The following PHF12 variants were observed in gnomAD, a reference collection of about 807,000 sequenced individuals.
PHF12 encodes the protein PHD factor 1.
Under a neutral mutation model 99.8 loss-of-function variants are expected in PHF12, and 6 were observed. The ratio of observed to expected loss-of-function variants is 0.06; its 90% confidence interval spans 0.03 to 0.12. PHF12 has a LOEUF of 0.12. Among genes scored for constraint, PHF12 ranks in the 10% least tolerant of loss-of-function variants. PHF12 has a pLI of 1.00. For missense variants in PHF12, 954 were observed against 1,300.1 expected, an observed-to-expected ratio of 0.73 and a Z score of 4.09; for synonymous variants, 480 against 514.9, an observed-to-expected ratio of 0.93 and a Z score of 0.92.
Position 28,905,877 on chromosome 17 carries a change from T to G in PHF12, c.*306A>C. The G allele has an allele frequency of 3.7e-6, 1 of 270,182 alleles. No homozygotes were observed. The highest frequency in any genetic ancestry group is 6.9e-6 in the Non-Finnish European group (1 of 145,192). The allele number at this position is 270,182 out of a possible 1,614,324, so 16.7% of individuals were successfully genotyped here. Reference sequence around the variant, plus strand: ...GAGCAGGAGGTGGGTGGGGAAGGGTTTTGTGTTGGAGGAAGTGTCCAGACC... The same window carrying G: ...GAGCAGGAGGTGGGTGGGGAAGGGTGTTGTGTTGGAGGAAGTGTCCAGACC... On this transcript the variant is annotated 3_prime_UTR_variant, in exon 15 of 15. Transcript: ENST00000332830.
chr17:28,923,052 A>T (rs2040194094), intron 4 of PHF12, among the ~76,000 whole-genome samples: 1 of 152,020 alleles, frequency 6.6e-6, no homozygotes, highest in Non-Finnish European at 1.5e-5. Context: ...GTCTCAAAAA[A>T]AAAAAAATTC....
intron 2 of PHF12, among the ~76,000 whole-genome samples, chr17:28,933,273 G>A (rs2040447922): frequency 6.6e-6 from 1 of 152,168 alleles, no homozygotes; most frequent in African/African-American, 2.4e-5. Flanking sequence ...TTAAACTAAA[G>A]CCTAGAAATA....
chr17:28,948,534 A>G (rs988012287), intron 2 of PHF12, among the ~76,000 whole-genome samples: 1 of 152,210 alleles, frequency 6.6e-6, no homozygotes, highest in African/African-American at 2.4e-5. Flanking sequence ...ACAAGCTGGG[A>G]TGGGGTGCCC....
intron 2 of PHF12, among the ~76,000 whole-genome samples, chr17:28,930,904 C>G (rs1257857602): frequency 2.0e-5 from 3 of 152,236 alleles, no homozygotes; most frequent in Middle Eastern, 3.4e-3. Flanking sequence ...AACCCCACCT[C>G]TACTAAAAAT....
At chr17:28,917,623 T>C (rs2040086304) in intron 6 of PHF12, among the ~76,000 whole-genome samples, 174 bp from the exon 7 acceptor site, 1 of 152,110 alleles carries the variant, frequency 6.6e-6, no homozygotes, top group Admixed American at 6.5e-5. Flanking sequence ...GGATGAGACT[T>C]CCTACTCAGC....
chr17:28,906,651 G>A lies in PHF12; in HGVS notation c.2681-134C>T, dbSNP rs2039876720. ...CTAGGGAGGAAGGATGCTCAGAAAG[G>A]GTTGGTGGAGTCTGAAGTCCCCACA... On this transcript the variant is annotated intron_variant, in intron 14 of 14. Coordinates refer to ENST00000332830, the MANE Select transcript of PHF12 (RefSeq NM_001033561.2). The surrounding 1 kb of genome is among the most constrained non-coding windows in gnomAD (Gnocchi z 4.2). 8.1e-7 allele frequency: 1 copy of A among 1,241,174 alleles called. No homozygotes were observed. Among genetic ancestry groups the A allele is most frequent in the Non-Finnish European group, 1.1e-6 (1 of 902,822 alleles). 76.9% of individuals were successfully genotyped at this position (1,241,174 alleles called of 1,614,324 possible).
chr17:28,950,420 A>C lies in PHF12; in HGVS notation c.67-174T>G. On this transcript the variant is annotated intron_variant, in intron 1 of 14. Transcript: ENST00000332830. The surrounding 1 kb of genome is among the most constrained non-coding windows in gnomAD (Gnocchi z 5.7). ...CCGGAACCAGGGGGAGCCCACCCTAACCGCGTTCCTGCAGCACAACAACGA... is the reference window on the plus strand; with the variant it reads ...CCGGAACCAGGGGGAGCCCACCCTACCCGCGTTCCTGCAGCACAACAACGA... 1.3e-5 allele frequency: 8 copies of C among 631,412 alleles called. No homozygotes were observed. Among genetic ancestry groups the C allele is most frequent in the South Asian group, 8.4e-5 (4 of 47,428 alleles). The allele number at this position is 631,412 out of a possible 1,614,324, so 39.1% of individuals were successfully genotyped here.
intron 7 of PHF12, among the ~76,000 whole-genome samples, chr17:28,916,109 A>G (rs762459264): frequency 1.8e-4 from 28 of 152,256 alleles, no homozygotes; most frequent in Non-Finnish European, 7.3e-5. Flanking sequence ...ATGTATAAAT[A>G]TTTGCCCAGT....
chr17:28,949,800 T>C lies in PHF12; in HGVS notation c.248+265A>G. ...TGTCCCCGGCCGGCTCTGTCCCGGCTCCCCAGCGACTTCCAATCCCATATG... is the reference window on the plus strand; with the variant it reads ...TGTCCCCGGCCGGCTCTGTCCCGGCCCCCCAGCGACTTCCAATCCCATATG... On this transcript the variant is annotated intron_variant, in intron 2 of 14. Transcript: ENST00000332830. The surrounding 1 kb of genome is among the most constrained non-coding windows in gnomAD (Gnocchi z 4.6). The C allele has an allele frequency of 2.8e-6, 1 of 360,540 alleles. No individual in the cohort carries two copies. The highest frequency in any genetic ancestry group is 4.5e-5 in the East Asian group (1 of 22,340). The allele number at this position is 360,540 out of a possible 1,614,324, so 22.3% of individuals were successfully genotyped here.
At chr17:28,935,379 G>T (rs1413917837) in intron 2 of PHF12, among the ~76,000 whole-genome samples, 1 of 152,080 alleles carries the variant, frequency 6.6e-6, no homozygotes, top group Admixed American at 6.6e-5. Context: ...TCAAGAGATT[G>T]TTGTGCCTCA....
chr17:28,912,775 C>A lies in PHF12; in HGVS notation c.1796G>T (p.Gly599Val). ...AAGGLQNHTV[G>V]IIVKTENATG... ...GGCATTCTCTGTCTTCACAATGATG[C>A]CGACGGTGTGGTTCTGAAGGCCCCC... Residue 599 changes from glycine to valine, a missense_variant, in exon 9 of 15, where the codon GGC becomes GTC. Gly to Val is a moderately radical substitution (Grantham distance 109). Around this residue, in one of 8 missense-constraint regions of PHF12, gnomAD observed 392 missense variants for 423.1 expected, o/e 0.93. Coordinates refer to ENST00000332830, the MANE Select transcript of PHF12 (RefSeq NM_001033561.2). The A allele has an allele frequency of 6.2e-7, 1 of 1,613,390 alleles. No individual in the cohort carries two copies. The highest frequency in any genetic ancestry group is 8.5e-7 in the Non-Finnish European group (1 of 1,179,502).
chr17:28,934,006 G>A (rs1251113639), intron 2 of PHF12, among the ~76,000 whole-genome samples: 1 of 152,032 alleles, frequency 6.6e-6, no homozygotes, highest in East Asian at 1.9e-4. Flanking sequence ...ATGTCCACAC[G>A]ACTACACCCC....
chr17:28,909,869 G>T, intron 11 of PHF12: 1 of 594,684 alleles, frequency 1.7e-6, no homozygotes. Flanking sequence ...GGGATTACAG[G>T]TGTGAGCCAC....
Position 28,917,459 on chromosome 17 carries a change from A to G in PHF12, c.970-10T>C, listed in dbSNP as rs1213604003. 3 of 1,593,614 alleles carry G rather than the reference A, an allele frequency of 1.9e-6. No homozygotes were observed. The highest frequency in any genetic ancestry group is 2.6e-6 in the Non-Finnish European group (3 of 1,168,648). ...TATTCTTCTGGTTCAGCTAGGGACA[A>G]AGCAGACACAACCTTGTGGTGAGCC... On this transcript the variant is annotated splice_polypyrimidine_tract_variant and intron_variant, in intron 6 of 14. Coordinates refer to ENST00000332830, the MANE Select transcript of PHF12 (RefSeq NM_001033561.2).
chr17:28,931,075 C>T (rs1389751110), intron 2 of PHF12, among the ~76,000 whole-genome samples: 1 of 151,942 alleles, frequency 6.6e-6, no homozygotes. Context: ...ATAACAACAA[C>T]AAAAAACAAA....
At chr17:28,907,430 T>C in intron 13 of PHF12, 160 bp downstream of exon 13, 1 of 677,478 alleles carries the variant, frequency 1.5e-6, no homozygotes, top group Non-Finnish European at 2.4e-6. Context: ...GGATGCTATT[T>C]CACATCAAGA....
At chr17:28,928,432 T>C (rs1170113380) in intron 2 of PHF12, 1 of 152,234 alleles carries the variant, frequency 6.6e-6, no homozygotes, top group Non-Finnish European at 1.5e-5. Context: ...GTTAGTTCTC[T>C]TTTGGCACTT....
chr17:28,918,250 G>T (rs2040096730), intron 6 of PHF12, among the ~76,000 whole-genome samples: 1 of 152,180 alleles, frequency 6.6e-6, no homozygotes, highest in African/African-American at 2.4e-5. Flanking sequence ...CTGCTAGAAA[G>T]CTGCTCTTTA....
chr17:28,908,580 A>T (rs1041493499), intron 12 of PHF12: 3 of 574,764 alleles, frequency 5.2e-6, no homozygotes, highest in Non-Finnish European at 9.3e-6. Context: ...TTGTCCTCCC[A>T]AAGTGTTGGG....
Sources: allele counts gnomAD v4.1 joint callset (sites outside exome capture counted in the v4.1 genomes callset), GRCh38; gene constraint gnomAD v4.1.1; regional missense constraint gnomAD v4.1.1; non-coding constraint Gnocchi (gnomAD v3.1); transcripts MANE v1.5; gene names NCBI Gene and HGNC (gene_info 2026-07-23, HGNC 2026-07-21).